The following CTIF variants were observed in gnomAD, a reference collection of about 807,000 sequenced individuals.
CTIF encodes cap binding complex dependent translation initiation factor.
CTIF carries 21 observed loss-of-function variants against 66.0 expected under a neutral mutation model. The ratio of observed to expected loss-of-function variants is 0.32; its 90% CI spans 0.23 to 0.46. The LOEUF is 0.46. CTIF is among the 20% of genes least tolerant of loss of function. The pLI, the probability that CTIF is intolerant of heterozygous loss-of-function variation, is 1.00. For missense variants in CTIF, 739 were observed against 812.7 expected (o/e 0.91, Z 1.10); for synonymous variants, 345 against 326.4 (o/e 1.06, Z -0.62).
chr18:48,743,425 C>T (rs1446532817), intron 7 of CTIF, among the ~76,000 whole-genome samples: 1 of 152,188 alleles, frequency 6.6e-6, no homozygotes, highest in Non-Finnish European at 1.5e-5. Flanking sequence ...TCAAGAATTC[C>T]AAACAGCGGG....
At chr18:48,708,540 T>C (rs904496447) in intron 6 of CTIF, among the ~76,000 whole-genome samples, 6 of 152,148 alleles carry the variant, frequency 3.9e-5, no homozygotes, top group African/African-American at 1.4e-4. Flanking sequence ...TAAGGTCCAT[T>C]CACTTATCCA....
At position 48,669,793 on chromosome 18, in the gene CTIF, T is replaced by TATATATATA. The variant is rs1568120522; in HGVS notation, c.432-876_432-875insATATATATA. Among the ~76,000 whole-genome samples the TATATATATA allele has an allele frequency of 4.2e-3, 198 of 47,252 alleles. 57 individuals carry two copies. The highest frequency in any genetic ancestry group is 0.015 in the Middle Eastern group (1 of 68). The allele number at this position is 47,252 out of a possible 152,430, so 31.0% of individuals were successfully genotyped here. On this transcript the variant is annotated intron_variant, in intron 5 of 11. Coordinates refer to ENST00000256413, the MANE Select transcript of CTIF (RefSeq NM_014772.3). ...ATTTATAAACAAACAAGCTAAACAT[T>TATATATATA]TATATATATATATATATATATATAT... is the stretch of plus-strand genomic sequence containing the variant.
chr18:48,790,660 C>A (rs961778618), intron 9 of CTIF, among the ~76,000 whole-genome samples: 2 of 152,210 alleles, frequency 1.3e-5, no homozygotes, highest in East Asian at 3.8e-4. Context: ...GAGGAGCAGA[C>A]GAAGGGAGGA....
At chr18:48,734,204 T>C (rs2092479841) in intron 7 of CTIF, among the ~76,000 whole-genome samples, 1 of 152,190 alleles carries the variant, frequency 6.6e-6, no homozygotes, top group South Asian at 2.1e-4. Flanking sequence ...GGGGAGACCC[T>C]CGGCTGCACC....
At chr18:48,744,597 G>A (rs1035892849) in intron 7 of CTIF, among the ~76,000 whole-genome samples, 1 of 152,046 alleles carries the variant, frequency 6.6e-6, no homozygotes, top group African/African-American at 2.4e-5. Context: ...CCAAAATGAT[G>A]CCCTTTTACT....
intron 6 of CTIF, among the ~76,000 whole-genome samples, chr18:48,699,609 A>T (rs2092055307): frequency 6.6e-6 from 1 of 152,190 alleles, no homozygotes; most frequent in African/African-American, 2.4e-5. Context: ...CAGCAGGTGC[A>T]CAAAGACCAC....
At chr18:48,548,661 T>C (rs949823568) in intron 1 of CTIF, among the ~76,000 whole-genome samples, 3 of 152,244 alleles carry the variant, frequency 2.0e-5, no homozygotes, top group African/African-American at 7.2e-5. Context: ...AGGCCAATAG[T>C]GAAGGTCAGG....
chr18:48,602,924 G>A (rs2090120845), intron 1 of CTIF, among the ~76,000 whole-genome samples: 1 of 151,552 alleles, frequency 6.6e-6, no homozygotes, highest in Non-Finnish European at 1.5e-5. Context: ...TGGCTAGACA[G>A]GTGGGTGGGT....
chr18:48,669,795 A>T lies in CTIF; in HGVS notation c.432-874A>T, dbSNP rs7230030. ...TTATAAACAAACAAGCTAAACATTT[A>T]TATATATATATATATATATATATAT... On this transcript the variant is annotated intron_variant, in intron 5 of 11. Coordinates refer to ENST00000256413, the MANE Select transcript of CTIF (RefSeq NM_014772.3). Among the ~76,000 whole-genome samples the T allele has an allele frequency of 2.4e-4, 8 of 33,796 alleles. 1 individual carries two copies. In the South Asian group the frequency reaches 3.0e-3, roughly 13 times the overall value. 22.2% of individuals were successfully genotyped at this position (33,796 alleles called of 152,430 possible).
intron 9 of CTIF, among the ~76,000 whole-genome samples, chr18:48,810,210 C>T (rs907436713): frequency 2.6e-4 from 40 of 152,070 alleles, no homozygotes; most frequent in African/African-American, 9.2e-4. Context: ...CCATATCAGT[C>T]GGGATAGCCA....
intron 6 of CTIF, among the ~76,000 whole-genome samples, chr18:48,672,456 C>G (rs1435189497): frequency 1.3e-5 from 2 of 152,176 alleles, no homozygotes; most frequent in Non-Finnish European, 2.9e-5. Flanking sequence ...AAAACATCCT[C>G]CTACTTCCAG....
intron 9 of CTIF, among the ~76,000 whole-genome samples, chr18:48,799,440 T>A (rs553564793): frequency 4.1e-4 from 62 of 152,146 alleles, no homozygotes; most frequent in African/African-American, 1.4e-3. Flanking sequence ...CCCTCTTGGG[T>A]CCTACTGGAT....
At chr18:48,743,822 A>G (rs764395605) in intron 7 of CTIF, among the ~76,000 whole-genome samples, 1 of 152,204 alleles carries the variant, frequency 6.6e-6, no homozygotes, top group South Asian at 2.1e-4. Context: ...AAGAGAAACT[A>G]TTATGGTGAG....
At chr18:48,818,184 A>C (rs543255521) in intron 10 of CTIF, among the ~76,000 whole-genome samples, 19 of 152,276 alleles carry the variant, frequency 1.2e-4, no homozygotes, top group Middle Eastern at 3.4e-3. Context: ...CTGTCAGGGG[A>C]GAGAATTGAA....
chr18:48,830,297 G>A (rs907563988), intron 10 of CTIF, among the ~76,000 whole-genome samples: 5 of 152,152 alleles, frequency 3.3e-5, no homozygotes, highest in South Asian at 2.1e-4. Flanking sequence ...CTGAGTAGCC[G>A]GGATTACAGG....
chr18:48,573,771 C>T (rs2089471458), intron 1 of CTIF, among the ~76,000 whole-genome samples: 1 of 152,192 alleles, frequency 6.6e-6, no homozygotes, highest in South Asian at 2.1e-4. Context: ...TATCCAGCCA[C>T]CCACGCTGGC....
chr18:48,797,160 C>A (rs997741449), intron 9 of CTIF, among the ~76,000 whole-genome samples: 1 of 152,142 alleles, frequency 6.6e-6, no homozygotes, highest in African/African-American at 2.4e-5. Flanking sequence ...TCAAATCCAA[C>A]TTGTCTCAGT....
chr18:48,688,737 G>A (rs1200420029), intron 6 of CTIF, among the ~76,000 whole-genome samples: 1 of 152,160 alleles, frequency 6.6e-6, no homozygotes, highest in Admixed American at 6.5e-5. Context: ...CCGAATGATT[G>A]GTCCTTGTAC....
Position 48,605,525 on chromosome 18 carries a change from G to A in CTIF, c.-28-14013G>A, listed in dbSNP as rs192386039. On this transcript the variant is annotated intron_variant, in intron 1 of 11. Coordinates refer to ENST00000256413, the MANE Select transcript of CTIF (RefSeq NM_014772.3). ...GCTACAGACTTCTCCTGCTGTGTGT[G>A]TGAAGAGGTTATCTGCTGCTACCAT... Among the ~76,000 whole-genome samples the A allele has an allele frequency of 2.6e-4, 40 of 152,362 alleles. 1 individual carries two copies. Among genetic ancestry groups the A allele is most frequent in the Non-Finnish European group, 5.3e-4 (36 of 68,036 alleles).
Sources: gnomAD v4.1 joint callset for allele counts (sites outside exome capture counted in the v4.1 genomes callset) on GRCh38, gnomAD v4.1.1 for gene constraint, MANE v1.5 for transcripts, NCBI Gene and HGNC (gene_info 2026-07-23, HGNC 2026-07-21) for gene names.